PLD5: variants seen among roughly 807,000 people sequenced by gnomAD.
PLD5 encodes phospholipase D family member 5.
PLD5 carries 36 observed loss-of-function variants against 61.1 expected under a neutral mutation model. The ratio of observed to expected loss-of-function variants is 0.59; its 90% CI spans 0.45 to 0.78. PLD5 has a LOEUF of 0.78. PLD5 is among the 30% of genes least tolerant of loss of function. PLD5 has a pLI of 0.00. For synonymous variants in PLD5, 243 were observed against 242.8 expected (o/e 1.00, Z -0.01); for missense variants, 515 against 644.4 (o/e 0.80, Z 2.17).
chr1:242,497,925 G>A (rs915923866), intron 1 of PLD5, among the ~76,000 whole-genome samples: 2 of 151,918 alleles, frequency 1.3e-5, no homozygotes, highest in African/African-American at 2.4e-5. Context: ...AAGGTAGTTT[G>A]AAAGAATCAG....
intron 1 of PLD5, among the ~76,000 whole-genome samples, chr1:242,502,773 C>G (rs1668596818): frequency 6.6e-6 from 1 of 151,890 alleles, no homozygotes; most frequent in African/African-American, 2.4e-5. Flanking sequence ...AAACAGAGTC[C>G]TGTGGGGCCG....
intron 5 of PLD5, among the ~76,000 whole-genome samples, chr1:242,202,137 C>A (rs1558337129): frequency 6.6e-6 from 1 of 152,132 alleles, no homozygotes; most frequent in Admixed American, 6.5e-5. Flanking sequence ...TCACTCGAAC[C>A]CAGCAGGTGG....
At chr1:242,439,827 T>C (rs1666188883) in intron 1 of PLD5, among the ~76,000 whole-genome samples, 1 of 152,058 alleles carries the variant, frequency 6.6e-6, no homozygotes, top group Non-Finnish European at 1.5e-5. Context: ...AATAAATGTG[T>C]GAGAAGGAAA....
At chr1:242,358,035 C>T (rs12088926) in intron 1 of PLD5, among the ~76,000 whole-genome samples, 1,523 of 152,176 alleles carry the variant, frequency 0.01, 25 homozygotes, top group African/African-American at 0.034. Context: ...GTCTTTATTG[C>T]ATTTTTCAGT....
chr1:242,464,263 G>A (rs6681768), intron 1 of PLD5, among the ~76,000 whole-genome samples: 2 of 151,902 alleles, frequency 1.3e-5, no homozygotes, highest in Non-Finnish European at 2.9e-5. Flanking sequence ...TCAATGGCAA[G>A]TAAGTGCCAG....
intron 2 of PLD5, among the ~76,000 whole-genome samples, chr1:242,320,989 T>G (rs1333120698): frequency 1.3e-5 from 2 of 152,202 alleles, no homozygotes; most frequent in Admixed American, 6.5e-5. Context: ...CAAAATTCCC[T>G]CTCATCGGAG....
intron 5 of PLD5, among the ~76,000 whole-genome samples, chr1:242,165,101 C>A (rs1666206218): frequency 6.6e-6 from 1 of 152,106 alleles, no homozygotes; most frequent in Non-Finnish European, 1.5e-5. Context: ...TCCCACCTCT[C>A]CCCTTTTCAC....
At chr1:242,366,116 G>A (rs1661327023) in intron 1 of PLD5, among the ~76,000 whole-genome samples, 2 of 152,134 alleles carry the variant, frequency 1.3e-5, no homozygotes, top group African/African-American at 4.8e-5. Flanking sequence ...GATACAAGAA[G>A]CAGACAAAGA....
intron 4 of PLD5, among the ~76,000 whole-genome samples, chr1:242,232,373 T>C (rs72761301): frequency 0.22 from 33,501 of 152,152 alleles, 3,846 homozygotes; most frequent in Middle Eastern, 0.31. Flanking sequence ...TGCTTTCTCA[T>C]TGAAAGTACA....
chr1:242,509,521 T>C (rs1668836982), intron 1 of PLD5, among the ~76,000 whole-genome samples: 1 of 152,244 alleles, frequency 6.6e-6, no homozygotes, highest in African/African-American at 2.4e-5. Flanking sequence ...CCCCTGCCTT[T>C]CTTTCTTCCT....
chr1:242,401,468 A>G (rs1454529207), intron 1 of PLD5, among the ~76,000 whole-genome samples: 1 of 151,868 alleles, frequency 6.6e-6, no homozygotes, highest in Non-Finnish European at 1.5e-5. Flanking sequence ...TAAACACAGA[A>G]TCCTTCCTGT....
At chr1:242,404,067 T>C (rs1442698338) in intron 1 of PLD5, among the ~76,000 whole-genome samples, 1 of 152,118 alleles carries the variant, frequency 6.6e-6, no homozygotes, top group South Asian at 2.1e-4. Context: ...GTGCTGGAGA[T>C]AGAGCTGTGG....
intron 5 of PLD5, among the ~76,000 whole-genome samples, chr1:242,145,188 CT>C (rs1664459944): frequency 6.6e-6 from 1 of 152,168 alleles, no homozygotes; most frequent in South Asian, 2.1e-4. Context: ...CTGTATCCCC[CT>C]GGGTGGGTTG....
rs1659594762 is a variant in PLD5 at position 242,088,743 on chromosome 1, T to C, written c.*1111A>G. ...AAAACAACAACACACAATTACGTTA[T>C]AGAACAATAATTCAATATTTCTGCT... On this transcript the variant is annotated 3_prime_UTR_variant, in exon 10 of 10. Transcript: ENST00000536534. The C allele has an allele frequency of 6.6e-6, 1 of 152,250 alleles. No individual in the cohort carries two copies. The highest frequency in any genetic ancestry group is 6.5e-5 in the Admixed American group (1 of 15,284). 9.4% of individuals were successfully genotyped at this position (152,250 alleles called of 1,614,324 possible).
Position 242,256,792 on chromosome 1 carries a change from A to ATCTG in PLD5, c.607+8544_607+8545insCAGA, listed in dbSNP as rs1673058698. Reference sequence around the variant, plus strand: ...TATCTATCTATCTATCTATCTATCTATCTATTAATATCTATCTTTCTATGT... The same window carrying ATCTG: ...TATCTATCTATCTATCTATCTATCTATCTGTCTATTAATATCTATCTTTCTATGT... On this transcript the variant is annotated intron_variant, in intron 4 of 9. Coordinates refer to ENST00000536534, the MANE Select transcript of PLD5 (RefSeq NM_001372062.1). The surrounding 1 kb of genome is among the most constrained non-coding windows in gnomAD (Gnocchi z 5.7). 6.7e-6 allele frequency among the ~76,000 whole-genome samples: 1 copy of ATCTG among 148,480 alleles called. No individual in the cohort carries two copies. The highest frequency in any genetic ancestry group is 6.7e-5 in the Admixed American group (1 of 14,952).
intron 1 of PLD5, among the ~76,000 whole-genome samples, chr1:242,452,729 T>C (rs553145205): frequency 6.6e-6 from 1 of 152,260 alleles, no homozygotes; most frequent in African/African-American, 2.4e-5. Flanking sequence ...GATGGGCAGA[T>C]GGCTTGAGCC....
chr1:242,500,483 A>G (rs74150738), intron 1 of PLD5, among the ~76,000 whole-genome samples: 3,543 of 152,334 alleles, frequency 0.023, 141 homozygotes, highest in African/African-American at 0.082. Context: ...GCTAAGATAC[A>G]GACAAGTACC....
the PLD5 span, among the ~76,000 whole-genome samples, chr1:242,529,783 C>CTCCCTTCCTTCCTTCCTTCT: frequency 1.4e-5 from 1 of 73,480 alleles, no homozygotes; most frequent in Non-Finnish European, 3.0e-5. Context: ...TGGGATCTTC[C>CTCCCTTCCTTCCTTCCTTCT]TTCCTTCCTT....
chr1:242,479,783 C>G (rs1206688940), intron 1 of PLD5, among the ~76,000 whole-genome samples: 1 of 151,998 alleles, frequency 6.6e-6, no homozygotes. Flanking sequence ...GTGGTTTACG[C>G]CTGTAATCCC....
Sources: allele counts gnomAD v4.1 joint callset (sites outside exome capture counted in the v4.1 genomes callset), GRCh38; gene constraint gnomAD v4.1.1; non-coding constraint Gnocchi (gnomAD v3.1); transcripts MANE v1.5; gene names NCBI Gene and HGNC (gene_info 2026-07-23, HGNC 2026-07-21).